The following PSMD1 variants were observed in gnomAD, a reference collection of about 807,000 sequenced individuals.
PSMD1 encodes the protein proteasome 26S subunit, non-ATPase 1.
Under a neutral mutation model 119.0 loss-of-function variants are expected in PSMD1, and 18 were observed. That is an observed-to-expected ratio of 0.15 (90% confidence interval 0.10 to 0.22). PSMD1 has a LOEUF of 0.22. Among genes scored for constraint, PSMD1 ranks in the 10% least tolerant of loss-of-function variants. PSMD1 has a pLI of 1.00. For synonymous variants in PSMD1, 374 were observed against 396.6 expected (o/e 0.94, Z 0.68); for missense variants, 702 against 1,158.5 (o/e 0.61, Z 5.72).
chr2:231,138,978 A>G (rs1431003989), intron 17 of PSMD1, 128 bp downstream of exon 17: 1 of 769,334 alleles, frequency 1.3e-6, no homozygotes, highest in African/African-American at 1.7e-5. Flanking sequence ...TTGCCATACA[A>G]AGCTTCCCAG....
intron 1 of PSMD1, among the ~76,000 whole-genome samples, chr2:231,060,787 G>A (rs1317523817): frequency 6.6e-6 from 1 of 152,162 alleles, no homozygotes; most frequent in African/African-American, 2.4e-5. Context: ...TCCCATTTTT[G>A]TAAATAATCT....
intron 16 of PSMD1, among the ~76,000 whole-genome samples, chr2:231,106,728 CAA>C (rs1342434508): frequency 6.6e-6 from 1 of 152,022 alleles, no homozygotes; most frequent in Non-Finnish European, 1.5e-5. Flanking sequence ...TTTAAGCACA[CAA>C]ATTTGGAGGC....
chr2:231,131,969 T>A (rs2125242258), intron 16 of PSMD1, among the ~76,000 whole-genome samples: 1 of 152,308 alleles, frequency 6.6e-6, no homozygotes, highest in South Asian at 2.1e-4. Flanking sequence ...GAACTGTTGT[T>A]AGATTGAGAC....
chr2:231,100,647 C>T (rs949895432), intron 16 of PSMD1, among the ~76,000 whole-genome samples: 2 of 152,198 alleles, frequency 1.3e-5, no homozygotes, highest in Admixed American at 1.3e-4. Flanking sequence ...ATTGAACATA[C>T]TGACATATTA....
At position 231,108,575 on chromosome 2, in the gene PSMD1, G is replaced by A. The variant is rs150480687; in HGVS notation, c.1883+21394G>A. 8.2e-5 allele frequency: 133 copies of A among 1,613,680 alleles called. No individual in the cohort carries two copies. The South Asian group carries it at 1.0e-3, about 13-fold the overall frequency. ...ACCTTCATTTTCAGTGAGGAGAAGC[G>A]TATCTAGTAGAATGATTGATGAAGA... On this transcript the variant is annotated intron_variant, in intron 16 of 24. Coordinates refer to ENST00000308696, the MANE Select transcript of PSMD1 (RefSeq NM_002807.4).
At chr2:231,156,389 T>C (rs1004892792) in intron 19 of PSMD1, among the ~76,000 whole-genome samples, 1 of 152,172 alleles carries the variant, frequency 6.6e-6, no homozygotes, top group African/African-American at 2.4e-5. Context: ...GTTCACTCTT[T>C]ATGTTGTACA....
chr2:231,079,245 C>T (rs1227726416), intron 10 of PSMD1, among the ~76,000 whole-genome samples: 1 of 151,754 alleles, frequency 6.6e-6, no homozygotes. Flanking sequence ...AAAATTAATT[C>T]CTTTTATTAC....
chr2:231,133,109 C>CA, intron 16 of PSMD1, among the ~76,000 whole-genome samples: 1 of 152,232 alleles, frequency 6.6e-6, no homozygotes, highest in South Asian at 2.1e-4. Flanking sequence ...GATTACTACT[C>CA]AGATTATTTG....
intron 23 of PSMD1, among the ~76,000 whole-genome samples, chr2:231,169,188 G>A (rs1263819450): frequency 6.6e-6 from 1 of 152,096 alleles, no homozygotes; most frequent in Non-Finnish European, 1.5e-5. Context: ...GTTTTTGTAT[G>A]ATGAGGCCTT....
At chr2:231,139,314 C>CTTTTTTTTTTTTTTTTTTTT (rs60709158) in intron 17 of PSMD1, among the ~76,000 whole-genome samples, 4 of 93,540 alleles carry the variant, frequency 4.3e-5, no homozygotes, top group Admixed American at 1.2e-4. Flanking sequence ...TTTTTTCTTT[C>CTTTTTTTTTTTTTTTTTTTT]TTTTTTTTTT....
rs557276298 is a variant in PSMD1, at chr2:231,085,216, C to T, written c.1818+102C>T. On this transcript the variant is annotated intron_variant, in intron 15 of 24. Coordinates refer to ENST00000308696, the MANE Select transcript of PSMD1 (RefSeq NM_002807.4). Reference sequence around the variant, plus strand: ...CAGCATCCACAGCGCATGACCACCACCAGTGGTCTTAGGTTGTGATTCTCA... The same window carrying T: ...CAGCATCCACAGCGCATGACCACCATCAGTGGTCTTAGGTTGTGATTCTCA... 125 of 921,028 alleles carry T rather than the reference C, an allele frequency of 1.4e-4. 1 individual carries two copies. In the South Asian group the frequency reaches 1.7e-3, roughly 12 times the overall value. 57.1% of individuals were successfully genotyped at this position (921,028 alleles called of 1,614,324 possible).
intron 7 of PSMD1, among the ~76,000 whole-genome samples, chr2:231,074,308 A>G (rs1230318019): frequency 6.6e-6 from 1 of 151,780 alleles, no homozygotes; most frequent in Non-Finnish European, 1.5e-5. Flanking sequence ...GTTTCACCAT[A>G]TTGGCCAGGC....
chr2:231,159,166 A>G (rs993556409), intron 19 of PSMD1, among the ~76,000 whole-genome samples: 1 of 152,210 alleles, frequency 6.6e-6, no homozygotes, highest in Non-Finnish European at 1.5e-5. Flanking sequence ...TGGAATTCCA[A>G]TTAAGACCCT....
chr2:231,085,948 T>C (rs1420937536), intron 15 of PSMD1, among the ~76,000 whole-genome samples: 1 of 152,152 alleles, frequency 6.6e-6, no homozygotes, highest in Non-Finnish European at 1.5e-5. Context: ...TATTTATTAA[T>C]AATTAATAAA....
intron 18 of PSMD1, 72 bp from the exon 19 acceptor site, chr2:231,153,492 A>G (rs1051922559): frequency 2.1e-5 from 22 of 1,061,072 alleles, no homozygotes; most frequent in Non-Finnish European, 2.9e-5. Flanking sequence ...TTGGAGCAAT[A>G]TTATTCCCTG....
intron 16 of PSMD1, among the ~76,000 whole-genome samples, chr2:231,119,875 A>C (rs1695472386): frequency 6.6e-6 from 1 of 151,328 alleles, no homozygotes; most frequent in African/African-American, 2.4e-5. Context: ...GTCTCAAAAA[A>C]AAAAAAAAAA....
chr2:231,071,394 A>G (rs886101411), intron 6 of PSMD1, among the ~76,000 whole-genome samples: 1 of 152,054 alleles, frequency 6.6e-6, no homozygotes, highest in African/African-American at 2.4e-5. Context: ...TCTTCCTATT[A>G]CTTGGCTCCA....
rs201769528 is a variant in PSMD1 at position 231,082,937 on chromosome 2, C to G, written c.1468C>G (p.Arg490Gly). Residue 490 changes from arginine (R) to glycine (G), a missense_variant, in exon 13 of 25, where the codon CGT becomes GGT. Physicochemically the swap from Arg to Gly is moderately radical, Grantham distance 125 (BLOSUM62 -2). Around this residue, in one of 9 missense-constraint regions of PSMD1, gnomAD observed 272 missense variants for 511.6 expected, o/e 0.53. Coordinates refer to ENST00000308696, the MANE Select transcript of PSMD1 (RefSeq NM_002807.4). ...GLGLAAMGTARQDVYDLLKTN... is the reference protein window; with the variant it reads ...GLGLAAMGTAGQDVYDLLKTN... Reference sequence around the variant, plus strand: ...TGGTTTGGCAGCCATGGGAACTGCACGTCAAGATGTTTATGATTTGCTAAA... The same window carrying G: ...TGGTTTGGCAGCCATGGGAACTGCAGGTCAAGATGTTTATGATTTGCTAAA... 377 of 1,613,872 alleles carry G rather than the reference C, an allele frequency of 2.3e-4. No individual in the cohort carries two copies. Among genetic ancestry groups the G allele is most frequent in the Non-Finnish European group, 2.2e-4 (257 of 1,179,934 alleles).
chr2:231,093,226 G>A (rs1694643010), intron 16 of PSMD1, among the ~76,000 whole-genome samples: 1 of 152,222 alleles, frequency 6.6e-6, no homozygotes, highest in Non-Finnish European at 1.5e-5. Flanking sequence ...AGTAGCAGGT[G>A]CAGGTTGCAG....
Sources: allele counts gnomAD v4.1 joint callset (sites outside exome capture counted in the v4.1 genomes callset), GRCh38; gene constraint gnomAD v4.1.1; regional missense constraint gnomAD v4.1.1; transcripts MANE v1.5; gene names NCBI Gene and HGNC (gene_info 2026-07-23, HGNC 2026-07-21).